BCO2: variants seen among roughly 807,000 people sequenced by gnomAD.
The protein encoded by BCO2 is carotenoid-cleaving dioxygenase, mitochondrial.
Under a neutral mutation model 65.8 loss-of-function variants are expected in BCO2, and 56 were observed. That is an observed-to-expected ratio of 0.85 (90% CI 0.69 to 1.06). The LOEUF is 1.06. BCO2 is among the 50% of genes least tolerant of loss of function. The pLI is 0.00. For missense variants in BCO2, 675 were observed against 698.5 expected, an observed-to-expected ratio of 0.97 and a Z score of 0.38; for synonymous variants, 233 against 242.3, an observed-to-expected ratio of 0.96 and a Z score of 0.36.
intron 8 of BCO2, among the ~76,000 whole-genome samples, chr11:112,203,595 T>C (rs1045446712): frequency 2.0e-5 from 3 of 152,210 alleles, no homozygotes; most frequent in Non-Finnish European, 4.4e-5. Context: ...CTTTTTTGTG[T>C]GACAAGAGCA....
intron 2 of BCO2, among the ~76,000 whole-genome samples, chr11:112,183,944 C>T (rs968865981): frequency 2.0e-5 from 3 of 152,190 alleles, no homozygotes; most frequent in African/African-American, 7.2e-5. Context: ...GAGAATTTCT[C>T]AGAATTTCAT....
At chr11:112,191,017 T>G (rs1867372152) in intron 2 of BCO2, among the ~76,000 whole-genome samples, 1 of 150,856 alleles carries the variant, frequency 6.6e-6, no homozygotes, top group African/African-American at 2.4e-5. Flanking sequence ...TATTATATCT[T>G]GGTGCTACAA....
At chr11:112,186,141 A>G (rs1333037454) in intron 2 of BCO2, among the ~76,000 whole-genome samples, 2 of 152,214 alleles carry the variant, frequency 1.3e-5, no homozygotes, top group Non-Finnish European at 2.9e-5. Flanking sequence ...GAGGAGGAGA[A>G]ACTTCTAATC....
At chr11:112,193,260 G>A (rs2135368846) in intron 2 of BCO2, among the ~76,000 whole-genome samples, 1 of 152,104 alleles carries the variant, frequency 6.6e-6, no homozygotes, top group East Asian at 1.9e-4. Context: ...TTACAGGCGT[G>A]AGCCACCGCG....
At chr11:112,201,908 G>A in intron 7 of BCO2, 115 bp from the exon 8 acceptor site, 1 of 865,272 alleles carries the variant, frequency 1.2e-6, no homozygotes, top group South Asian at 2.0e-5. Flanking sequence ...CACTTCAGAG[G>A]GGAAAATCTT....
intron 2 of BCO2, chr11:112,181,179 T>TA: frequency 1.7e-4 from 137 of 786,206 alleles, no homozygotes; most frequent in Non-Finnish European, 2.6e-4. Context: ...AGAGGAGCTT[T>TA]CTTTTTTTTT....
chr11:112,198,602 G>A (rs1867644360), intron 5 of BCO2, among the ~76,000 whole-genome samples: 1 of 152,120 alleles, frequency 6.6e-6, no homozygotes, highest in African/African-American at 2.4e-5. Context: ...CTTTGGGGTG[G>A]GGAGGAGTCA....
At chr11:112,179,230 A>C (rs1866962338) in intron 1 of BCO2, 48 bp from the exon 2 acceptor site, 2 of 1,562,674 alleles carry the variant, frequency 1.3e-6, no homozygotes, top group South Asian at 2.2e-5. Context: ...GCAAGTTTAT[A>C]GAAGATTTGG....
At position 112,180,889 on chromosome 11, in the gene BCO2, C is replaced by T; in HGVS notation, c.293+1407C>T. 3.7e-6 allele frequency: 4 copies of T among 1,085,830 alleles called. No individual in the cohort carries two copies. The South Asian group carries it at 3.7e-5, about 10-fold the overall frequency. The allele number at this position is 1,085,830 out of a possible 1,614,324, so 67.3% of individuals were successfully genotyped here. A position where few individuals can be genotyped will look rare whatever the true frequency, so the allele number is the denominator to read the frequency against. On this transcript the variant is annotated intron_variant, in intron 2 of 11. Transcript: ENST00000357685. ...CCAGCAGTAAACTCGGCATAAAAGC[C>T]ACCAGTGTGTATAATGGGAAAGGTG... is the stretch of plus-strand genomic sequence containing the variant.
intron 1 of BCO2, 124 bp downstream of exon 1, chr11:112,175,813 A>G: frequency 1.3e-6 from 1 of 752,136 alleles, no homozygotes. Flanking sequence ...TGTGGCTCAG[A>G]TGAGATAGCA....
intron 2 of BCO2, among the ~76,000 whole-genome samples, chr11:112,192,042 ATCTC>A: frequency 6.6e-6 from 1 of 151,998 alleles, no homozygotes; most frequent in East Asian, 1.9e-4. Context: ...GTGAAATTGA[ATCTC>A]TATACTCATT....
chr11:112,179,266 T>G lies in BCO2; in HGVS notation c.89-12T>G. 6.2e-7 allele frequency: 1 copy of G among 1,611,802 alleles called. No individual in the cohort carries two copies. The highest frequency in any genetic ancestry group is 8.5e-7 in the Non-Finnish European group (1 of 1,178,456). On this transcript the variant is annotated splice_polypyrimidine_tract_variant and intron_variant, in intron 1 of 11. Coordinates refer to ENST00000357685, the MANE Select transcript of BCO2 (RefSeq NM_031938.7). The stretch of plus-strand genomic sequence containing the variant: ...TAAAATATTTTTTGTGCTTTTGGTT[T>G]CCTCTGCACAGTTTTCAAAAGGTAC...
chr11:112,185,127 C>T (rs1039799210), intron 2 of BCO2, among the ~76,000 whole-genome samples: 1 of 151,956 alleles, frequency 6.6e-6, no homozygotes, highest in African/African-American at 2.4e-5. Context: ...TCAATATGTG[C>T]CTAAATTATA....
chr11:112,195,236 G>A (rs1309975500), intron 5 of BCO2, among the ~76,000 whole-genome samples: 1 of 145,934 alleles, frequency 6.9e-6, no homozygotes, highest in East Asian at 2.0e-4. Context: ...CCAGGTTCAA[G>A]CGATTCTCCT....
At position 112,194,002 on chromosome 11, in the gene BCO2, A is replaced by T; in HGVS notation, c.633+8A>T. The T allele has an allele frequency of 1.4e-6, 2 of 1,401,678 alleles. No homozygotes were observed. The highest frequency in any genetic ancestry group is 2.0e-6 in the Non-Finnish European group (2 of 986,978). The allele number at this position is 1,401,678 out of a possible 1,614,324, so 86.8% of individuals were successfully genotyped here. On this transcript the variant is annotated splice_region_variant and intron_variant, in intron 4 of 11. Coordinates refer to ENST00000357685, the MANE Select transcript of BCO2 (RefSeq NM_031938.7). Reference sequence around the variant, plus strand: ...CTGGAAAAAACAGAAAAGGTAAAGTACAGGTAAAAAAAAATGAATAAAATA... The same window carrying T: ...CTGGAAAAAACAGAAAAGGTAAAGTTCAGGTAAAAAAAAATGAATAAAATA...
In BCO2 at chr11:112,214,841, A is replaced by G; in HGVS notation, c.1412A>G (p.Asp471Gly). ...ATTGAATTTCCTCAGATCTACTATG[A>G]TCGATTCAGTGGCAAAAAGTATCAT... The part of the protein sequence containing the change: ...GGIEFPQIYY[D>G]RFSGKKYHFF... Residue 471 changes from aspartate (D) to glycine (G), a missense_variant, in exon 10 of 12, where the codon GAT becomes GGT. Asp to Gly is a moderately conservative substitution (Grantham distance 94, BLOSUM62 -1). Coordinates refer to ENST00000357685, the MANE Select transcript of BCO2 (RefSeq NM_031938.7). 1.2e-6 allele frequency: 2 copies of G among 1,614,052 alleles called. No homozygotes were observed. Among genetic ancestry groups the G allele is most frequent in the Non-Finnish European group, 1.7e-6 (2 of 1,179,912 alleles).
At chr11:112,207,426 C>A (rs887882253) in intron 8 of BCO2, among the ~76,000 whole-genome samples, 82 of 152,284 alleles carry the variant, frequency 5.4e-4, no homozygotes, top group African/African-American at 1.7e-3. Flanking sequence ...GACATCTTCT[C>A]ATGGCAAGGT....
chr11:112,214,975 T>G (rs1859623060), intron 10 of BCO2, 31 bp downstream of exon 10: 1 of 1,596,660 alleles, frequency 6.3e-7, no homozygotes, highest in African/African-American at 1.3e-5. Context: ...TTTTGAACTT[T>G]TCAGAGACCT....
chr11:112,182,980 T>A, intron 2 of BCO2: 1 of 1,080,206 alleles, frequency 9.3e-7, no homozygotes, highest in East Asian at 2.4e-5. Flanking sequence ...GGAAGTCAGA[T>A]GACAGGAATT....
Sources: allele counts gnomAD v4.1 joint callset (sites outside exome capture counted in the v4.1 genomes callset), GRCh38; gene constraint gnomAD v4.1.1; transcripts MANE v1.5; gene names NCBI Gene and HGNC (gene_info 2026-07-23, HGNC 2026-07-21).